ANKS1B: variants seen among roughly 807,000 people sequenced by gnomAD.
ANKS1B encodes ankyrin repeat and sterile alpha motif domain-containing protein 1B.
Under a neutral mutation model 148.3 loss-of-function variants are expected in ANKS1B, and 36 were observed. The ratio of observed to expected loss-of-function variants is 0.24; its 90% CI spans 0.19 to 0.32. The LOEUF (loss-of-function observed/expected upper bound fraction) is 0.32, where lower values mean the gene tolerates loss of function less well. ANKS1B is among the 10% of genes least tolerant of loss of function. ANKS1B has a pLI of 1.00. For missense variants in ANKS1B, 1,157 were observed against 1,542.6 expected (o/e 0.75, Z 4.19); for synonymous variants, 542 against 560.8 (o/e 0.97, Z 0.47).
intron 8 of ANKS1B, among the ~76,000 whole-genome samples, chr12:99,685,389 T>C (rs535243079): frequency 1.3e-4 from 20 of 152,188 alleles, no homozygotes; most frequent in African/African-American, 4.3e-4. Context: ...CAATATCACC[T>C]TACTCCCAGA....
At chr12:99,404,966 A>G (rs1315433718) in intron 11 of ANKS1B, among the ~76,000 whole-genome samples, 2 of 146,432 alleles carry the variant, frequency 1.4e-5, no homozygotes, top group Non-Finnish European at 3.0e-5. Context: ...ATTTCTCAGT[A>G]GAAACTTTAC....
intron 14 of ANKS1B, among the ~76,000 whole-genome samples, chr12:99,178,519 TG>T (rs2078687823): frequency 1.3e-5 from 2 of 152,190 alleles, no homozygotes; most frequent in Admixed American, 1.3e-4. Context: ...TGAAGAGGGC[TG>T]GGGGCCCTTT....
downstream of ANKS1B, among the ~76,000 whole-genome samples, chr12:98,742,909 T>C (rs1415528965): frequency 6.6e-6 from 1 of 152,260 alleles, no homozygotes; most frequent in African/African-American, 2.4e-5. Context: ...GTGCTGGCTG[T>C]GTTGGCTAGT....
At chr12:99,637,636 T>C (rs2098252075) in intron 9 of ANKS1B, among the ~76,000 whole-genome samples, 3 of 151,958 alleles carry the variant, frequency 2.0e-5, no homozygotes, top group Admixed American at 6.6e-5. Context: ...CCAGCCTACA[T>C]TTTTCTTTCA....
At chr12:99,617,672 A>T (rs2097985910) in intron 9 of ANKS1B, among the ~76,000 whole-genome samples, 1 of 152,138 alleles carries the variant, frequency 6.6e-6, no homozygotes, top group Admixed American at 6.5e-5. Context: ...GAGCATGAGG[A>T]CAAATACCTA....
intron 14 of ANKS1B, among the ~76,000 whole-genome samples, chr12:99,234,537 T>C (rs918341229): frequency 2.6e-5 from 4 of 152,192 alleles, no homozygotes; most frequent in African/African-American, 9.6e-5. Flanking sequence ...TATTTTGGTA[T>C]GACCACAGCA....
In ANKS1B at chr12:99,773,100, AT is replaced by A; in HGVS notation, c.962-13del. The A allele has an allele frequency of 6.3e-7, 1 of 1,587,170 alleles. No individual in the cohort carries two copies. Among genetic ancestry groups the A allele is most frequent in the Admixed American group, 1.8e-5 (1 of 54,610 alleles). ...AGTGACGGTTTCACCTATGAGAATAATTTTTTCAGAAGTTTCAAGAAAGGCT... is the reference window on the plus strand; with the variant it reads ...AGTGACGGTTTCACCTATGAGAATAATTTTTCAGAAGTTTCAAGAAAGGCT... On this transcript the variant is annotated splice_polypyrimidine_tract_variant and intron_variant, in intron 7 of 26. Transcript: ENST00000683438.
chr12:99,118,387 A>G (rs1193896954), intron 15 of ANKS1B, among the ~76,000 whole-genome samples: 2 of 152,188 alleles, frequency 1.3e-5, no homozygotes, highest in African/African-American at 2.4e-5. Flanking sequence ...ATATCTCACA[A>G]AGGAATGGAA....
At chr12:99,378,376 C>G (rs1173780277) in intron 12 of ANKS1B, among the ~76,000 whole-genome samples, 1 of 151,958 alleles carries the variant, frequency 6.6e-6, no homozygotes, top group East Asian at 1.9e-4. Flanking sequence ...AAAGAGAAGG[C>G]CGGGCATGGT....
chr12:98,791,113 G>A (rs1467685450), intron 22 of ANKS1B, among the ~76,000 whole-genome samples: 6 of 152,152 alleles, frequency 3.9e-5, no homozygotes, highest in South Asian at 2.1e-4. Context: ...TTGGGAGGCC[G>A]AGGTGGGCAG....
intron 15 of ANKS1B, among the ~76,000 whole-genome samples, chr12:99,090,885 A>T (rs1329182265): frequency 2.0e-5 from 3 of 152,110 alleles, no homozygotes; most frequent in Non-Finnish European, 2.9e-5. Context: ...ACTATAACTG[A>T]TCAGATAATG....
intron 17 of ANKS1B, among the ~76,000 whole-genome samples, chr12:98,945,591 C>T (rs1253329687): frequency 3.3e-5 from 5 of 150,178 alleles, no homozygotes; most frequent in South Asian, 4.2e-4. Flanking sequence ...ATTCCAGCTA[C>T]CTTTTCCCCA....
intron 4 of ANKS1B, among the ~76,000 whole-genome samples, chr12:99,803,191 C>T (rs1305091999): frequency 6.6e-6 from 1 of 151,362 alleles, no homozygotes; most frequent in Non-Finnish European, 1.5e-5. Context: ...TATCAACAAA[C>T]CTACTTGATA....
chr12:99,259,772 A>G (rs1419807411), intron 12 of ANKS1B, among the ~76,000 whole-genome samples: 1 of 146,770 alleles, frequency 6.8e-6, no homozygotes, highest in Non-Finnish European at 1.6e-5. Context: ...CCCTTCCCAC[A>G]CGTCTTTCCT....
chr12:98,740,450 C>A (rs2097792635), downstream of ANKS1B, among the ~76,000 whole-genome samples: 2 of 152,208 alleles, frequency 1.3e-5, no homozygotes, highest in African/African-American at 4.8e-5. Flanking sequence ...CTGGACAGCA[C>A]AGATGTTTGG....
intron 14 of ANKS1B, among the ~76,000 whole-genome samples, chr12:99,202,893 T>C (rs995871129): frequency 6.6e-6 from 1 of 152,198 alleles, no homozygotes; most frequent in African/African-American, 2.4e-5. Flanking sequence ...AGTCTCAGGC[T>C]TCTCCCTCTC....
At chr12:99,228,707 T>C (rs977134615) in intron 14 of ANKS1B, among the ~76,000 whole-genome samples, 6 of 151,934 alleles carry the variant, frequency 3.9e-5, no homozygotes, top group African/African-American at 1.2e-4. Context: ...CAAAAGAACA[T>C]ATTATTTTGA....
chr12:99,927,798 G>A (rs1385561289), intron 1 of ANKS1B, among the ~76,000 whole-genome samples: 1 of 151,892 alleles, frequency 6.6e-6, no homozygotes, highest in Non-Finnish European at 1.5e-5. Flanking sequence ...AGAAAAAAAA[G>A]AAGAAGAAAC....
intron 10 of ANKS1B, among the ~76,000 whole-genome samples, chr12:99,466,983 C>G (rs192656433): frequency 1.3e-5 from 2 of 152,074 alleles, no homozygotes; most frequent in African/African-American, 4.8e-5. Flanking sequence ...AGAGACACAA[C>G]CAAAAAAGAG....
Sources: gnomAD v4.1 joint callset for allele counts (sites outside exome capture counted in the v4.1 genomes callset) on GRCh38, gnomAD v4.1.1 for gene constraint, MANE v1.5 for transcripts, NCBI Gene and HGNC (gene_info 2026-07-23, HGNC 2026-07-21) for gene names.